Variants in MTA3 observed in about 807,000 individuals in gnomAD.
The protein encoded by MTA3 is metastasis-associated protein MTA3.
Under a neutral mutation model 83.5 loss-of-function variants are expected in MTA3, and 34 were observed. The ratio of observed to expected loss-of-function variants is 0.41; its 90% CI spans 0.31 to 0.54. The LOEUF is 0.54. Ranked by LOEUF, MTA3 falls within the 20% of genes least tolerant of loss-of-function variation. MTA3 has a pLI of 0.33. For missense variants in MTA3, 761 were observed against 726.4 expected (o/e 1.05, Z -0.55); for synonymous variants, 303 against 252.7 (o/e 1.20, Z -1.89).
intron 2 of MTA3, among the ~76,000 whole-genome samples, chr2:42,572,363 C>G (rs145561213): frequency 6.6e-6 from 1 of 152,088 alleles, no homozygotes; most frequent in Non-Finnish European, 1.5e-5. Flanking sequence ...GCCTCAGGAT[C>G]CTTTGAGTCC....
chr2:42,597,965 A>G (rs1231948345), intron 3 of MTA3, among the ~76,000 whole-genome samples: 1 of 152,198 alleles, frequency 6.6e-6, no homozygotes, highest in Non-Finnish European at 1.5e-5. Context: ...TACAGGCATG[A>G]GCCACTGCGC....
At chr2:42,540,250 T>C (rs1259600485) in intron 2 of MTA3, among the ~76,000 whole-genome samples, 1 of 148,520 alleles carries the variant, frequency 6.7e-6, no homozygotes, top group Non-Finnish European at 1.5e-5. Flanking sequence ...CATAGCTCAC[T>C]GCAGCCTCAA....
chr2:42,666,193 C>T (rs1401843942), intron 8 of MTA3, among the ~76,000 whole-genome samples: 1 of 152,182 alleles, frequency 6.6e-6, no homozygotes, highest in East Asian at 1.9e-4. Flanking sequence ...AGGAGAATCA[C>T]TTGAACCCGG....
At chr2:42,576,548 T>A (rs909580838) in intron 2 of MTA3, among the ~76,000 whole-genome samples, 1 of 152,070 alleles carries the variant, frequency 6.6e-6, no homozygotes, top group African/African-American at 2.4e-5. Context: ...GAGGATTGCT[T>A]GAGCCTGGGG....
chr2:42,567,647 T>C (rs1464991681), upstream of MTA3, among the ~76,000 whole-genome samples: 1 of 133,644 alleles, frequency 7.5e-6, no homozygotes, highest in East Asian at 2.4e-4. Context: ...TTCAACGTTG[T>C]TTTTTTTTTT....
chr2:42,624,521 A>G (rs1685891732), intron 4 of MTA3, among the ~76,000 whole-genome samples: 1 of 151,862 alleles, frequency 6.6e-6, no homozygotes, highest in African/African-American at 2.4e-5. Flanking sequence ...GGGTTTCACC[A>G]TTTTGCATTT....
chr2:42,682,556 T>C lies in MTA3; in HGVS notation c.858T>C (p.Tyr286=), dbSNP rs1349401046. ...ASLFEEALEK[Y]GKDFNDIRQD... is the part of the protein sequence containing the mutation. ...TATTTGAAGAGGCACTGGAAAAATA[T>C]GGCAAAGACTTCAATGACATACGGC... Residue 286 remains tyrosine, a synonymous_variant, in exon 9 of 17, where the codon TAT becomes TAC. Transcript: ENST00000405094. 6.8e-6 allele frequency: 11 copies of C among 1,612,450 alleles called. No homozygotes were observed. Among genetic ancestry groups the C allele is most frequent in the East Asian group, 2.2e-5 (1 of 44,828 alleles).
chr2:42,725,396 G>A (rs949999019), intron 16 of MTA3, among the ~76,000 whole-genome samples: 1 of 152,208 alleles, frequency 6.6e-6, no homozygotes, highest in Non-Finnish European at 1.5e-5. Context: ...GAATGAAATC[G>A]TGGCTCTCAA....
At chr2:42,620,477 A>G (rs962891367) in intron 4 of MTA3, among the ~76,000 whole-genome samples, 2 of 152,058 alleles carry the variant, frequency 1.3e-5, no homozygotes, top group Non-Finnish European at 2.9e-5. Flanking sequence ...CTTCTGTTGC[A>G]TATTGATGTG....
At chr2:42,635,999 G>T (rs182763169) in intron 4 of MTA3, among the ~76,000 whole-genome samples, 1 of 152,214 alleles carries the variant, frequency 6.6e-6, no homozygotes, top group South Asian at 2.1e-4. Flanking sequence ...CTATACCTGA[G>T]CTCAGGCAAT....
chr2:42,556,791 A>G (rs1332745819), intron 2 of MTA3, among the ~76,000 whole-genome samples: 4 of 152,280 alleles, frequency 2.6e-5, no homozygotes, highest in Non-Finnish European at 4.4e-5. Context: ...TAGAAGCACC[A>G]AGGCCACAGA....
At chr2:42,668,079 C>T (rs1690457262) in intron 8 of MTA3, among the ~76,000 whole-genome samples, 1 of 152,180 alleles carries the variant, frequency 6.6e-6, no homozygotes, top group Non-Finnish European at 1.5e-5. Flanking sequence ...TGCTCTGCTT[C>T]AGGAAGGTTA....
chr2:42,750,116 T>G (rs1669761926), intron 16 of MTA3, among the ~76,000 whole-genome samples: 2 of 152,052 alleles, frequency 1.3e-5, no homozygotes, highest in Non-Finnish European at 2.9e-5. Context: ...CTCAGCCTCC[T>G]GAGTAGCTGG....
At chr2:42,610,929 TG>T (rs756502617) in intron 4 of MTA3, among the ~76,000 whole-genome samples, 3 of 152,068 alleles carry the variant, frequency 2.0e-5, no homozygotes, top group Non-Finnish European at 4.4e-5. Flanking sequence ...CTGGTCATAA[TG>T]GTCCTTAAAA....
At chr2:42,563,729 G>C (rs924166498), upstream of MTA3, among the ~76,000 whole-genome samples, 1 of 151,886 alleles carries the variant, frequency 6.6e-6, no homozygotes, top group African/African-American at 2.4e-5. Flanking sequence ...GCCTCCCAAA[G>C]TGCTGGGATT....
intron 2 of MTA3, among the ~76,000 whole-genome samples, chr2:42,514,705 T>TTTTTTTTTTTTTTTTTTTTTTTTTTA (rs1675060703): frequency 7.0e-6 from 1 of 142,972 alleles, no homozygotes; most frequent in Non-Finnish European, 1.5e-5. Flanking sequence ...TTTTTTTTTT[T>TTTTTTTTTTTTTTTTTTTTTTTTTTA]TTGAGACAGG....
intron 4 of MTA3, among the ~76,000 whole-genome samples, chr2:42,610,945 T>C (rs1684120207): frequency 6.6e-6 from 1 of 151,942 alleles, no homozygotes; most frequent in Admixed American, 6.6e-5. Context: ...TTAAAAACTA[T>C]ATATATAGAC....
intron 6 of MTA3, among the ~76,000 whole-genome samples, chr2:42,654,309 T>TCC (rs1688968718): frequency 6.6e-6 from 1 of 152,170 alleles, no homozygotes; most frequent in African/African-American, 2.4e-5. Flanking sequence ...GCTCCTATAC[T>TCC]AGGCGGCCCA....
At chr2:42,714,005 A>G (rs938555002) in intron 14 of MTA3, among the ~76,000 whole-genome samples, 1 of 152,338 alleles carries the variant, frequency 6.6e-6, no homozygotes, top group African/African-American at 2.4e-5. Context: ...TGCCCGTAGA[A>G]AAACTGCAAT....
Sources: allele counts gnomAD v4.1 joint callset (sites outside exome capture counted in the v4.1 genomes callset), GRCh38; gene constraint gnomAD v4.1.1; transcripts MANE v1.5; gene names NCBI Gene and HGNC (gene_info 2026-07-23, HGNC 2026-07-21).